RPS6KB1: variants seen among roughly 807,000 people sequenced by gnomAD.
RPS6KB1 encodes the protein ribosomal protein S6 kinase B1, also known as ribosomal protein S6 kinase beta-1.
In RPS6KB1, 12 loss-of-function variants were observed where a neutral mutation model predicts 70.2. That is an observed-to-expected ratio of 0.17 (90% CI 0.11 to 0.28). RPS6KB1 has a LOEUF of 0.28. Among genes scored for constraint, RPS6KB1 ranks in the 10% least tolerant of loss-of-function variants. RPS6KB1 has a pLI of 1.00. For synonymous variants in RPS6KB1, 175 were observed against 211.2 expected (o/e 0.83, Z 1.49); for missense variants, 270 against 646.6 (o/e 0.42, Z 6.32).
At chr17:59,941,628 G>T (rs2044590483) in intron 13 of RPS6KB1, among the ~76,000 whole-genome samples, 1 of 149,546 alleles carries the variant, frequency 6.7e-6, no homozygotes, top group Non-Finnish European at 1.5e-5. Context: ...CTTAACATAA[G>T]TAGGGGATTT....
chr17:59,909,085 G>A (rs960273780), intron 1 of RPS6KB1, among the ~76,000 whole-genome samples: 1 of 149,378 alleles, frequency 6.7e-6, no homozygotes, highest in Admixed American at 6.7e-5. Context: ...GGCCACCACG[G>A]CCGACTAATT....
chr17:59,900,655 G>A (rs1256402245), intron 1 of RPS6KB1, among the ~76,000 whole-genome samples: 4 of 152,054 alleles, frequency 2.6e-5, no homozygotes, highest in Admixed American at 6.6e-5. Context: ...TGAGCCACGC[G>A]CCTGGCCTGG....
In RPS6KB1 at chr17:59,893,650, T is replaced by C. The variant is rs1165181638; in HGVS notation, c.141+325T>C. 1 of 477,184 alleles carries C rather than the reference T, an allele frequency of 2.1e-6. No homozygotes were observed. Among genetic ancestry groups the C allele is most frequent in the Non-Finnish European group, 3.0e-6 (1 of 327,890 alleles). The allele number at this position is 477,184 out of a possible 1,614,324, so 29.6% of individuals were successfully genotyped here. On this transcript the variant is annotated intron_variant, in intron 1 of 14. Transcript: ENST00000225577. This position sits in a 1 kb window ranked among gnomAD's most constrained non-coding sequence, Gnocchi z 4.1. ...GGGGAGCGGGTGGCGTGAGCGTGTGTTGGGGAGACGGGGGCTGCTCTTGCT... is the reference window on the plus strand; with the variant it reads ...GGGGAGCGGGTGGCGTGAGCGTGTGCTGGGGAGACGGGGGCTGCTCTTGCT...
At chr17:59,929,678 C>T (rs1039549356) in intron 5 of RPS6KB1, among the ~76,000 whole-genome samples, 1 of 152,048 alleles carries the variant, frequency 6.6e-6, no homozygotes, top group African/African-American at 2.4e-5. Flanking sequence ...TAGGCCAGTG[C>T]CAGGTTTATT....
Position 59,930,444 on chromosome 17 carries a change from G to T in RPS6KB1, c.587+270G>T, listed in dbSNP as rs539311198. The T allele has an allele frequency of 5.8e-3, 2,031 of 350,708 alleles. 18 individuals are homozygous for T. Among genetic ancestry groups the T allele is most frequent in the Non-Finnish European group, 8.0e-3 (1,532 of 191,948 alleles). The allele number at this position is 350,708 out of a possible 1,614,324, so 21.7% of individuals were successfully genotyped here. On this transcript the variant is annotated intron_variant, in intron 6 of 14. Transcript: ENST00000225577. ...CTTTCCTTGAATTGGTAAGCTGCCT[G>T]CCTTGGCTGTGGGTGAGTGTGGTTT... is the stretch of plus-strand genomic sequence containing the variant.
intron 4 of RPS6KB1, among the ~76,000 whole-genome samples, chr17:59,922,823 C>T (rs1310607116): frequency 6.6e-6 from 1 of 150,722 alleles, no homozygotes; most frequent in Non-Finnish European, 1.5e-5. Flanking sequence ...GGATTACAGA[C>T]GTGAGCCACT....
intron 1 of RPS6KB1, among the ~76,000 whole-genome samples, chr17:59,906,696 T>TTTTG (rs748397213): frequency 2.0e-5 from 3 of 152,028 alleles, no homozygotes; most frequent in Non-Finnish European, 4.4e-5. Flanking sequence ...CTTTACTTTT[T>TTTTG]TTTGTTTGTT....
intron 1 of RPS6KB1, among the ~76,000 whole-genome samples, chr17:59,900,908 TC>T (rs1343468346): frequency 6.6e-6 from 1 of 151,592 alleles, no homozygotes; most frequent in Non-Finnish European, 1.5e-5. Flanking sequence ...AGGCCTGTAA[TC>T]TCAGTACTTT....
In RPS6KB1 at chr17:59,931,719, C is replaced by G. The variant is rs773920494; in HGVS notation, c.685C>G (p.Gln229Glu). Reference protein sequence around the residue: ...LKPENIMLNHQGHVKLTDFGL... With the variant: ...LKPENIMLNHEGHVKLTDFGL... ...GCCGGAGAATATCATGCTTAATCAC[C>G]AAGGTGGAGACATACCGTAAACAAT... The change falls in exon 7 of 15, where the codon CAA (glutamine) becomes GAA (glutamate). Residue 229 changes from glutamine to glutamate, a missense_variant. Gln to Glu is a conservative substitution (Grantham distance 29). This residue lies in a region of RPS6KB1 where 21 missense variants were observed against 135.9 expected (regional missense o/e 0.15). Coordinates refer to ENST00000225577, the MANE Select transcript of RPS6KB1 (RefSeq NM_003161.4). 6.3e-7 allele frequency: 1 copy of G among 1,595,190 alleles called. No individual in the cohort carries two copies.
chr17:59,928,815 G>T (rs1467285451), intron 5 of RPS6KB1, among the ~76,000 whole-genome samples: 3 of 152,114 alleles, frequency 2.0e-5, no homozygotes, highest in Non-Finnish European at 2.9e-5. Flanking sequence ...TGACATTTTT[G>T]ATTAGGACAG....
Position 59,893,363 on chromosome 17 carries a change from G to A in RPS6KB1, c.141+38G>A, listed in dbSNP as rs2041248995. On this transcript the variant is annotated intron_variant, in intron 1 of 14. Transcript: ENST00000225577. This position sits in a 1 kb window ranked among gnomAD's most constrained non-coding sequence, Gnocchi z 4.1. ...GTCCCCGGGGGCCCGAGGTGACAGG[G>A]CCGGGGCGGCGGCGCGGGCTCAGGA... 6.4e-7 allele frequency: 1 copy of A among 1,567,346 alleles called. No homozygotes were observed. Among genetic ancestry groups the A allele is most frequent in the Non-Finnish European group, 8.7e-7 (1 of 1,155,594 alleles).
At chr17:59,901,044 C>A (rs2041905606) in intron 1 of RPS6KB1, among the ~76,000 whole-genome samples, 1 of 151,724 alleles carries the variant, frequency 6.6e-6, no homozygotes, top group Non-Finnish European at 1.5e-5. Context: ...GCCTGTAATC[C>A]CAGCTACTTG....
At position 59,914,992 on chromosome 17, in the gene RPS6KB1, C is replaced by CT. The variant is rs748670403; in HGVS notation, c.381+303dup. Among the ~76,000 whole-genome samples the CT allele has an allele frequency of 8.3e-3, 1,181 of 142,844 alleles. 7 individuals carry two copies. The highest frequency in any genetic ancestry group is 0.026 in the East Asian group (128 of 4,962). 93.7% of individuals were successfully genotyped at this position (142,844 alleles called of 152,430 possible). On this transcript the variant is annotated intron_variant, in intron 4 of 14. Coordinates refer to ENST00000225577, the MANE Select transcript of RPS6KB1 (RefSeq NM_003161.4). ...AGAAAAAATGTATTTATTTTCTTTT[C>CT]TTTTTTTTTTTTTTGAGACGTAGTC... is the stretch of plus-strand genomic sequence containing the variant.
chr17:59,915,315 A>G (rs1436137673), intron 4 of RPS6KB1, among the ~76,000 whole-genome samples: 8 of 151,858 alleles, frequency 5.3e-5, no homozygotes, highest in Non-Finnish European at 1.0e-4. Flanking sequence ...CACAGTTGCA[A>G]TACTTTTTAG....
At chr17:59,906,009 A>G (rs1398817415) in intron 1 of RPS6KB1, among the ~76,000 whole-genome samples, 2 of 151,996 alleles carry the variant, frequency 1.3e-5, no homozygotes, top group Admixed American at 6.6e-5. Flanking sequence ...TTTTGAGTTA[A>G]TTTTTGTGTA....
chr17:59,905,091 A>C (rs996219258), intron 1 of RPS6KB1, among the ~76,000 whole-genome samples: 5 of 152,042 alleles, frequency 3.3e-5, no homozygotes, highest in East Asian at 1.9e-4. Context: ...ATTTTGGCTC[A>C]CTGCAGCCTT....
intron 13 of RPS6KB1, among the ~76,000 whole-genome samples, chr17:59,945,038 G>A (rs746182930): frequency 9.9e-5 from 15 of 152,108 alleles, no homozygotes; most frequent in Admixed American, 3.3e-4. Flanking sequence ...CTGACCTCAG[G>A]TGGTCTGCCC....
rs746590475 is a variant in RPS6KB1 at position 59,935,174 on chromosome 17, A to C, written c.871-19A>C. On this transcript the variant is annotated intron_variant, in intron 9 of 14. Coordinates refer to ENST00000225577, the MANE Select transcript of RPS6KB1 (RefSeq NM_003161.4). Reference sequence around the variant, plus strand: ...TTTTCTCTCCCTGCTAATATTTTTCACTTGTCTTCTACTCTTAGCCCCCAT... The same window carrying C: ...TTTTCTCTCCCTGCTAATATTTTTCCCTTGTCTTCTACTCTTAGCCCCCAT... The C allele has an allele frequency of 2.0e-6, 3 of 1,472,430 alleles. No individual in the cohort carries two copies. The South Asian group carries it at 3.6e-5, about 17-fold the overall frequency. The allele number at this position is 1,472,430 out of a possible 1,614,324, so 91.2% of individuals were successfully genotyped here.
Position 59,910,549 on chromosome 17 carries a change from A to G in RPS6KB1, c.142-13A>G. The G allele has an allele frequency of 6.5e-7, 1 of 1,549,650 alleles. No homozygotes were observed. Among genetic ancestry groups the G allele is most frequent in the Non-Finnish European group, 8.8e-7 (1 of 1,130,556 alleles). On this transcript the variant is annotated splice_polypyrimidine_tract_variant and intron_variant, in intron 1 of 14. Coordinates refer to ENST00000225577, the MANE Select transcript of RPS6KB1 (RefSeq NM_003161.4). ...TATTAGATTATTTCTGAAACTTTTA[A>G]CATATTTTTCAGGGTCAGTTAAATG...
Sources: allele counts gnomAD v4.1 joint callset (sites outside exome capture counted in the v4.1 genomes callset), GRCh38; gene constraint gnomAD v4.1.1; regional missense constraint gnomAD v4.1.1; non-coding constraint Gnocchi (gnomAD v3.1); transcripts MANE v1.5; gene names NCBI Gene and HGNC (gene_info 2026-07-23, HGNC 2026-07-21).